The following ZDHHC1 variants were observed in gnomAD, a reference collection of about 807,000 sequenced individuals.
ZDHHC1 encodes the protein zDHHC palmitoyltransferase 1.
In ZDHHC1, 45 loss-of-function variants were observed where a neutral mutation model predicts 46.9. That is an observed-to-expected ratio of 0.96 (90% CI 0.76 to 1.23). The LOEUF (loss-of-function observed/expected upper bound fraction) is 1.23. Among genes scored for constraint, ZDHHC1 ranks in the 50% most tolerant of loss-of-function variants. The pLI is 0.00. For missense variants in ZDHHC1, 649 were observed against 670.8 expected, an observed-to-expected ratio of 0.97 and a Z score of 0.36; for synonymous variants, 291 against 286.0, an observed-to-expected ratio of 1.02 and a Z score of -0.18.
intron 1 of ZDHHC1, among the ~76,000 whole-genome samples, chr16:67,412,340 A>G (rs746969796): frequency 6.6e-6 from 1 of 151,988 alleles, no homozygotes; most frequent in Non-Finnish European, 1.5e-5. Flanking sequence ...TTGAAAAAAA[A>G]AAAGTATGTC....
intron 8 of ZDHHC1, 90 bp from the exon 9 acceptor site, chr16:67,395,656 G>A: frequency 8.0e-7 from 1 of 1,254,426 alleles, no homozygotes. Flanking sequence ...TGCCCTCATT[G>A]GCCTCTGTGG....
Position 67,406,116 on chromosome 16 carries a change from C to T in ZDHHC1, c.252+84G>A, listed in dbSNP as rs1443646697. The T allele has an allele frequency of 7.9e-6, 12 of 1,512,294 alleles. No individual in the cohort carries two copies. Among genetic ancestry groups the T allele is most frequent in the Non-Finnish European group, 1.1e-5 (12 of 1,128,512 alleles). 93.7% of individuals were successfully genotyped at this position (1,512,294 alleles called of 1,614,324 possible). ...TCCTGACTGTGCTCCCCAAGGCTCT[C>T]AACCCGGCTTTGGGCCTCCGCTGTG... On this transcript the variant is annotated intron_variant, in intron 3 of 11. Transcript: ENST00000565726. This position sits in a 1 kb window ranked among gnomAD's most constrained non-coding sequence, Gnocchi z 4.1.
At chr16:67,399,760 T>C (rs903219202) in intron 4 of ZDHHC1, among the ~76,000 whole-genome samples, 4 of 152,030 alleles carry the variant, frequency 2.6e-5, no homozygotes, top group African/African-American at 9.7e-5. Context: ...TGGGCGTCCT[T>C]TCCAAGCAAA....
At position 67,406,272 on chromosome 16, in the gene ZDHHC1, G is replaced by T. The variant is rs2142250455; in HGVS notation, c.180C>A (p.Leu60=). Residue 60 remains leucine, a synonymous_variant, in exon 3 of 12, where the codon CTC becomes CTA. Coordinates refer to ENST00000565726, the MANE Select transcript of ZDHHC1 (RefSeq NM_001323627.2). The surrounding 1 kb of genome is among the most constrained non-coding windows in gnomAD (Gnocchi z 4.1). ...PLQIVAWLLY[L]FFAVIGFGIL... Reference sequence around the variant, plus strand: ...TCCCAAAGCCGATCACAGCAAAGAAGAGGTACAGCAGCCAGGCCACAATCT... The same window carrying T: ...TCCCAAAGCCGATCACAGCAAAGAATAGGTACAGCAGCCAGGCCACAATCT... 1 of 1,611,864 alleles carries T rather than the reference G, an allele frequency of 6.2e-7. No homozygotes were observed. The highest frequency in any genetic ancestry group is 8.5e-7 in the Non-Finnish European group (1 of 1,179,220).
Position 67,406,476 on chromosome 16 carries a change from C to T in ZDHHC1, c.10-34G>A, listed in dbSNP as rs759849248. 2.0e-6 allele frequency: 3 copies of T among 1,468,892 alleles called. No individual in the cohort carries two copies. The East Asian group carries it at 7.3e-5, about 36-fold the overall frequency. 91.0% of individuals were successfully genotyped at this position (1,468,892 alleles called of 1,614,324 possible). A position where few individuals can be genotyped will look rare whatever the true frequency, so the allele number is the denominator to read the frequency against. ...GGAGAAACAGTAGAGAGAGCATTAG[C>T]CCAAGAAGCTGGGCTGGAGCCCAGG... On this transcript the variant is annotated intron_variant, in intron 2 of 11. Transcript: ENST00000565726. This position sits in a 1 kb window ranked among gnomAD's most constrained non-coding sequence, Gnocchi z 4.1.
At chr16:67,415,814 G>A (rs996812891) in intron 1 of ZDHHC1, among the ~76,000 whole-genome samples, 15 of 152,120 alleles carry the variant, frequency 9.9e-5, no homozygotes. Flanking sequence ...GACCCTCCAT[G>A]ACCAACCCCT....
At chr16:67,413,938 CAAAAAAAA>C (rs974752448) in intron 1 of ZDHHC1, among the ~76,000 whole-genome samples, 3 of 61,944 alleles carry the variant, frequency 4.8e-5, no homozygotes, top group East Asian at 1.2e-3. Context: ...GACTCCGTCT[CAAAAAAAA>C]AAAAAAAAAA....
Position 67,398,541 on chromosome 16 carries a change from CGTTCCAGAAGGCAG to C in ZDHHC1, c.814+18_814+31del, listed in dbSNP as rs2040478136. The C allele has an allele frequency of 6.4e-7, 1 of 1,570,430 alleles. No homozygotes were observed. ...CCTTCCTGCAATCTGAGGACCCCTG[CGTTCCAGAAGGCAG>C]GTGCAGGAGGCACTTACTGAGATAA... is the stretch of plus-strand genomic sequence containing the variant. On this transcript the variant is annotated intron_variant, in intron 7 of 11. Transcript: ENST00000565726.
At chr16:67,395,593 T>G (rs1249244496) in intron 8 of ZDHHC1, 27 bp from the exon 9 acceptor site, 2 of 1,550,390 alleles carry the variant, frequency 1.3e-6, no homozygotes, top group African/African-American at 2.7e-5. Flanking sequence ...TCAAGGAGGC[T>G]GGGAGGCCAG....
In ZDHHC1 at chr16:67,409,300, C is replaced by A. The variant is rs912484016; in HGVS notation, c.-38-1487G>T. The stretch of plus-strand genomic sequence containing the variant: ...CCCCCTGATACTCCAAATCAGGATA[C>A]CCCCTGATACTCCAAATCAGGATAC... On this transcript the variant is annotated intron_variant, in intron 1 of 11. Coordinates refer to ENST00000565726, the MANE Select transcript of ZDHHC1 (RefSeq NM_001323627.2). Among the ~76,000 whole-genome samples, 5 of 151,362 alleles carry A rather than the reference C, an allele frequency of 3.3e-5. No homozygotes were observed. The East Asian group carries it at 9.7e-4, about 29-fold the overall frequency.
At chr16:67,410,229 G>A (rs929527079) in intron 1 of ZDHHC1, among the ~76,000 whole-genome samples, 5 of 152,156 alleles carry the variant, frequency 3.3e-5, no homozygotes, top group Admixed American at 6.5e-5. Flanking sequence ...CACCACAGTG[G>A]CCCAGCAGGG....
At position 67,394,598 on chromosome 16, in the gene ZDHHC1, C is replaced by T; in HGVS notation, c.*12G>A. ...GGCCGCTCTAACTCGGCCCTCCGGC[C>T]TCTCGGCCCAGCTAAGCCAGACCAG... On this transcript the variant is annotated 3_prime_UTR_variant, in exon 12 of 12. Transcript: ENST00000565726. The T allele has an allele frequency of 8.5e-7, 1 of 1,172,398 alleles. No individual in the cohort carries two copies. The highest frequency in any genetic ancestry group is 1.1e-6 in the Non-Finnish European group (1 of 949,958). 72.6% of individuals were successfully genotyped at this position (1,172,398 alleles called of 1,614,324 possible). A position where few individuals can be genotyped will look rare whatever the true frequency, so the allele number is the denominator to read the frequency against.
At position 67,398,879 on chromosome 16, in the gene ZDHHC1, T is replaced by C. The variant is rs545412296; in HGVS notation, c.596A>G (p.Tyr199Cys). 1.9e-6 allele frequency: 3 copies of C among 1,613,254 alleles called. No homozygotes were observed. The highest frequency in any genetic ancestry group is 1.1e-5 in the South Asian group (1 of 90,884). ...GTTGACAAAGAACTCCACGAAGACA[T>C]ATGTGGCCACCAGCACCAGGAGCAG... ...GVLLLVLVAT[Y>C]VFVEFFVNPM... The change falls in exon 6 of 12, where the codon TAT becomes TGT. Residue 199 changes from tyrosine to cysteine, a missense_variant. Tyr to Cys is a radical substitution (Grantham distance 194). Coordinates refer to ENST00000565726, the MANE Select transcript of ZDHHC1 (RefSeq NM_001323627.2).
At chr16:67,415,251 A>T (rs1057396540) in intron 1 of ZDHHC1, among the ~76,000 whole-genome samples, 14 of 152,142 alleles carry the variant, frequency 9.2e-5, no homozygotes, top group African/African-American at 2.4e-4. Flanking sequence ...TGAGACCAGG[A>T]GCTCGAGACC....
At chr16:67,394,953 C>T (rs759517579) in intron 11 of ZDHHC1, 49 bp downstream of exon 11, 3 of 1,572,290 alleles carry the variant, frequency 1.9e-6, no homozygotes, top group Non-Finnish European at 1.7e-6. Flanking sequence ...CTCTGCCTTC[C>T]CCTCCCTCGA....
chr16:67,415,622 C>A (rs1440497161), intron 1 of ZDHHC1, among the ~76,000 whole-genome samples: 5 of 151,488 alleles, frequency 3.3e-5, no homozygotes, highest in Admixed American at 3.3e-4. Flanking sequence ...CCGGGCGTGG[C>A]GGCGGGCGCC....
chr16:67,410,113 G>A (rs1427083882), intron 1 of ZDHHC1, among the ~76,000 whole-genome samples: 2 of 152,190 alleles, frequency 1.3e-5, no homozygotes, highest in African/African-American at 2.4e-5. Context: ...ACTGCTGGAA[G>A]AGCCACATGG....
chr16:67,403,321 A>T (rs994736443), intron 3 of ZDHHC1, among the ~76,000 whole-genome samples: 3 of 152,256 alleles, frequency 2.0e-5, no homozygotes, highest in Non-Finnish European at 2.9e-5. Flanking sequence ...TAAATAATTT[A>T]AAAAACATGC....
chr16:67,413,025 ACTC>A (rs1292679010), intron 1 of ZDHHC1, among the ~76,000 whole-genome samples: 2 of 151,166 alleles, frequency 1.3e-5, no homozygotes, highest in African/African-American at 4.9e-5. Flanking sequence ...CTGGTCTCGA[ACTC>A]CTGACCTCAG....
Sources: gnomAD v4.1 joint callset for allele counts (sites outside exome capture counted in the v4.1 genomes callset) on GRCh38, gnomAD v4.1.1 for gene constraint, Gnocchi (gnomAD v3.1) non-coding constraint, MANE v1.5 for transcripts, NCBI Gene and HGNC (gene_info 2026-07-23, HGNC 2026-07-21) for gene names.